UBE3B: variants seen among roughly 807,000 people sequenced by gnomAD.
UBE3B encodes the protein ubiquitin-protein ligase E3B.
UBE3B carries 80 observed loss-of-function variants against 132.3 expected under a neutral mutation model. The observed-to-expected ratio is 0.60, with a 90% CI of 0.50 to 0.73. The LOEUF (loss-of-function observed/expected upper bound fraction) is 0.73, where lower values mean the gene tolerates loss of function less well. UBE3B is among the 30% of genes least tolerant of loss of function. UBE3B has a pLI of 0.00. For synonymous variants in UBE3B, 487 were observed against 520.4 expected (o/e 0.94, Z 0.87); for missense variants, 1,196 against 1,362.5 (o/e 0.88, Z 1.92).
downstream of UBE3B, among the ~76,000 whole-genome samples, chr12:109,540,947 C>T (rs1046604728): frequency 5.9e-5 from 9 of 152,224 alleles, no homozygotes; most frequent in Non-Finnish European, 7.3e-5. Context: ...GTGCGGTGGG[C>T]GGGAGCTGAG....
At chr12:109,546,601 T>C in the UBE3B span, among the ~76,000 whole-genome samples, 1 of 152,230 alleles carries the variant, frequency 6.6e-6, no homozygotes, top group Non-Finnish European at 1.5e-5. Flanking sequence ...AATTCAGGGA[T>C]TGAAGTAGAC....
intron 24 of UBE3B, among the ~76,000 whole-genome samples, chr12:109,527,025 T>C (rs1010771783): frequency 6.6e-6 from 1 of 152,028 alleles, no homozygotes; most frequent in African/African-American, 2.4e-5. Context: ...TTCAGCACAC[T>C]GTCCTGAACC....
intron 1 of UBE3B, among the ~76,000 whole-genome samples, chr12:109,479,511 C>A (rs1874977916): frequency 6.6e-6 from 1 of 152,192 alleles, no homozygotes; most frequent in South Asian, 2.1e-4. Flanking sequence ...CTAAAAAGAA[C>A]CAAGGCCCGC....
intron 19 of UBE3B, 123 bp downstream of exon 19, chr12:109,517,007 C>T: frequency 7.1e-7 from 1 of 1,406,742 alleles, no homozygotes; most frequent in East Asian, 2.5e-5. Flanking sequence ...AATTAAGGCT[C>T]TGGGAGCAGG....
the UBE3B span, among the ~76,000 whole-genome samples, chr12:109,545,624 G>T: frequency 2.6e-5 from 4 of 152,142 alleles, no homozygotes; most frequent in African/African-American, 9.7e-5. Flanking sequence ...GCCCTCACTC[G>T]GTTTGAGCAG....
At chr12:109,527,525 C>T (rs1410587850) in intron 24 of UBE3B, among the ~76,000 whole-genome samples, 2 of 152,234 alleles carry the variant, frequency 1.3e-5, no homozygotes, top group African/African-American at 4.8e-5. Context: ...TCATGTTCCT[C>T]TCGGATCAGG....
intron 15 of UBE3B, 138 bp downstream of exon 15, chr12:109,507,873 C>A: frequency 1.9e-6 from 2 of 1,039,768 alleles, no homozygotes; most frequent in Non-Finnish European, 2.8e-6. Context: ...AAGAACTAGC[C>A]ATTTACCAAG....
At position 109,530,041 on chromosome 12, in the gene UBE3B, G is replaced by A. The variant is rs749157533; in HGVS notation, c.2779G>A (p.Asp927Asn). 9.9e-6 allele frequency: 16 copies of A among 1,613,944 alleles called. No individual in the cohort carries two copies. Among genetic ancestry groups the A allele is most frequent in the African/African-American group, 4.0e-5 (3 of 74,982 alleles). ...TGAACTGCAGCGTCTCATCTCTGGC[G>A]ACAATGCTGAGATTGATCTGGAAGA... Reference protein sequence around the residue: ...TPELQRLISGDNAEIDLEDLK... With the variant: ...TPELQRLISGNNAEIDLEDLK... The change falls in exon 25 of 28, where the codon GAC becomes AAC. Residue 927 changes from aspartate (D) to asparagine (N), a missense_variant. Transcript: ENST00000342494.
chr12:109,542,623 G>A, the UBE3B span, among the ~76,000 whole-genome samples: 1 of 152,136 alleles, frequency 6.6e-6, no homozygotes, highest in Non-Finnish European at 1.5e-5. Flanking sequence ...CGATGTGACT[G>A]GTGTCCTTAC....
downstream of UBE3B, among the ~76,000 whole-genome samples, chr12:109,540,106 G>A (rs1222987180): frequency 5.3e-5 from 8 of 152,080 alleles, no homozygotes; most frequent in South Asian, 2.1e-4. Context: ...AGCTGAAAGC[G>A]TTCATTCTGC....
At chr12:109,512,961 C>G (rs1054700035) in intron 18 of UBE3B, among the ~76,000 whole-genome samples, 3 of 152,228 alleles carry the variant, frequency 2.0e-5, no homozygotes, top group Non-Finnish European at 2.9e-5. Flanking sequence ...TCTTCCTCAT[C>G]ATGAACTGTG....
In UBE3B at chr12:109,515,876, G is replaced by A. The variant is rs1880975548; in HGVS notation, c.1957-889G>A. Among the ~76,000 whole-genome samples the A allele has an allele frequency of 2.0e-5, 3 of 152,266 alleles. No individual in the cohort carries two copies. The South Asian group carries it at 6.2e-4, about 32-fold the overall frequency. ...AGAATCTTAAGAATAAGGAGAGAGG[G>A]TTCCTTTCAAGCAGTAATTGAGAAA... On this transcript the variant is annotated intron_variant, in intron 18 of 27. Coordinates refer to ENST00000342494, the MANE Select transcript of UBE3B (RefSeq NM_130466.4).
intron 13 of UBE3B, among the ~76,000 whole-genome samples, 192 bp from the exon 14 acceptor site, chr12:109,502,831 G>A (rs1879165118): frequency 6.6e-6 from 1 of 152,150 alleles, no homozygotes; most frequent in Non-Finnish European, 1.5e-5. Flanking sequence ...AGAGATCTTT[G>A]GGTTGTACCT....
the UBE3B span, among the ~76,000 whole-genome samples, chr12:109,547,565 C>T: frequency 1.3e-5 from 2 of 152,240 alleles, no homozygotes; most frequent in East Asian, 1.9e-4. This position sits in a 1 kb window ranked among gnomAD's most constrained non-coding sequence, Gnocchi z 4.1. Flanking sequence ...CTGGTGTATT[C>T]AATTATAGGT....
In UBE3B at chr12:109,535,490, C is replaced by G. The variant is rs1277458730; in HGVS notation, c.*708C>G. ...GAGTCTTCCCGGACCTATTCCCGTC[C>G]TATGCATTCACATTGGCATCCTGGT... On this transcript the variant is annotated 3_prime_UTR_variant, in exon 28 of 28. Coordinates refer to ENST00000342494, the MANE Select transcript of UBE3B (RefSeq NM_130466.4). The G allele has an allele frequency of 6.6e-6, 1 of 152,314 alleles. No homozygotes were observed. The highest frequency in any genetic ancestry group is 2.4e-5 in the African/African-American group (1 of 41,474). 9.4% of individuals were successfully genotyped at this position (152,314 alleles called of 1,614,324 possible).
chr12:109,518,072 C>A, intron 19 of UBE3B: 2 of 310,826 alleles, frequency 6.4e-6, no homozygotes, highest in Non-Finnish European at 1.4e-5. Context: ...AGGAGTAAAG[C>A]TGGCTGAGTG....
chr12:109,526,321 A>G, intron 23 of UBE3B, 37 bp from the exon 24 acceptor site: 2 of 1,608,344 alleles, frequency 1.2e-6, no homozygotes, highest in Non-Finnish European at 1.7e-6. Context: ...TCCCCATTAG[A>G]GTCCTCCCTA....
intron 9 of UBE3B, among the ~76,000 whole-genome samples, chr12:109,495,500 G>A (rs535518805): frequency 3.9e-5 from 6 of 152,220 alleles, no homozygotes; most frequent in Middle Eastern, 3.4e-3. Flanking sequence ...CAGCTTGGTC[G>A]GGGAGACCCT....
chr12:109,488,923 A>G (rs912972990), intron 7 of UBE3B, among the ~76,000 whole-genome samples: 1 of 152,228 alleles, frequency 6.6e-6, no homozygotes, highest in Non-Finnish European at 1.5e-5. Flanking sequence ...TAATTTTTAT[A>G]GTTCCCACAG....
Sources: gnomAD v4.1 joint callset for allele counts (sites outside exome capture counted in the v4.1 genomes callset) on GRCh38, gnomAD v4.1.1 for gene constraint, Gnocchi (gnomAD v3.1) non-coding constraint, MANE v1.5 for transcripts, NCBI Gene and HGNC (gene_info 2026-07-23, HGNC 2026-07-21) for gene names.